Variants in SNX22 observed in about 807,000 individuals in gnomAD.
SNX22 encodes sorting nexin 22.
In SNX22, 23 loss-of-function variants were observed where a neutral mutation model predicts 24.7. The ratio of observed to expected loss-of-function variants is 0.93; its 90% confidence interval spans 0.67 to 1.32. SNX22 has a LOEUF of 1.32. SNX22 is among the 40% of genes most tolerant of loss of function. The probability of loss-of-function intolerance (pLI) is 0.00; values close to 1 mark genes in which losing one functional copy is unlikely to be tolerated. For missense variants in SNX22, 261 were observed against 249.9 expected (o/e 1.04, Z -0.30); for synonymous variants, 99 against 104.0 (o/e 0.95, Z 0.29).
Position 64,154,660 on chromosome 15 carries a change from G to A in SNX22, c.*152G>A. The A allele has an allele frequency of 1.0e-6, 1 of 989,478 alleles. No individual in the cohort carries two copies. Among genetic ancestry groups the A allele is most frequent in the Non-Finnish European group, 1.5e-6 (1 of 673,112 alleles). The allele number at this position is 989,478 out of a possible 1,614,324, so 61.3% of individuals were successfully genotyped here. On this transcript the variant is annotated 3_prime_UTR_variant, in exon 7 of 7. Transcript: ENST00000325881. ...CATTCCCACTCAAGGCTCAGAACTT[G>A]GCTCGCATTGGTAGCTGGAGGTGGT...
At position 64,156,158 on chromosome 15, in the gene SNX22, G is replaced by A; in HGVS notation, c.*1650G>A. 1 of 1,614,032 alleles carries A rather than the reference G, an allele frequency of 6.2e-7. No individual in the cohort carries two copies. Among genetic ancestry groups the A allele is most frequent in the Non-Finnish European group, 8.5e-7 (1 of 1,180,020 alleles). ...TCCGCACCACCTCCTGGAAAAGAAA[G>A]GTGGAAGCAGGAGGGCATGGTGGAT... On this transcript the variant is annotated 3_prime_UTR_variant, in exon 7 of 7. Coordinates refer to ENST00000325881, the MANE Select transcript of SNX22 (RefSeq NM_024798.3). This position sits in a 1 kb window ranked among gnomAD's most constrained non-coding sequence, Gnocchi z 6.4.
Position 64,156,753 on chromosome 15 carries a change from A to C in SNX22, c.*2245A>C. On this transcript the variant is annotated 3_prime_UTR_variant, in exon 7 of 7. Coordinates refer to ENST00000325881, the MANE Select transcript of SNX22 (RefSeq NM_024798.3). The surrounding 1 kb of genome is among the most constrained non-coding windows in gnomAD (Gnocchi z 6.4). Reference sequence around the variant, plus strand: ...GCCCTCTAGAACTTTGCCAAACACCACATGCTTGCCATCTAGCCAGGCTGT... The same window carrying C: ...GCCCTCTAGAACTTTGCCAAACACCCCATGCTTGCCATCTAGCCAGGCTGT... The C allele has an allele frequency of 6.2e-7, 1 of 1,614,150 alleles. No individual in the cohort carries two copies.
At position 64,153,977 on chromosome 15, in the gene SNX22, TCCCTATGTTTGCAAC is replaced by T; in HGVS notation, c.440_454del (p.Tyr147_Pro151del). The T allele has an allele frequency of 6.2e-7, 1 of 1,613,946 alleles. No individual in the cohort carries two copies. Among genetic ancestry groups the T allele is most frequent in the Non-Finnish European group, 8.5e-7 (1 of 1,179,978 alleles). The stretch of plus-strand genomic sequence containing the variant: ...GGCCTGTCCTGAGCTTCCATGTGGA[TCCCTATGTTTGCAAC>T]CCCTCCCCAGGTGAGGAGGTGCCTA... On this transcript the variant is annotated inframe_deletion, in exon 6 of 7. Coordinates refer to ENST00000325881, the MANE Select transcript of SNX22 (RefSeq NM_024798.3).
chr15:64,153,561 G>C, intron 4 of SNX22, 91 bp from the exon 5 acceptor site: 1 of 1,558,328 alleles, frequency 6.4e-7, no homozygotes, highest in Non-Finnish European at 8.9e-7. Context: ...TGGTCCCCTG[G>C]GAGGTGCAGT....
chr15:64,154,112 C>T (rs778908133), intron 6 of SNX22, 110 bp downstream of exon 6: 2 of 1,609,722 alleles, frequency 1.2e-6, no homozygotes, highest in East Asian at 2.2e-5. Flanking sequence ...CCTCTGGAGC[C>T]ACTACCTCCT....
intron 5 of SNX22, 65 bp downstream of exon 5, chr15:64,153,749 A>C: frequency 6.2e-7 from 1 of 1,610,532 alleles, no homozygotes; most frequent in Non-Finnish European, 8.5e-7. Context: ...GCTAGGAGGC[A>C]GGCCTGCTGC....
chr15:64,151,793 C>A lies in SNX22; in HGVS notation c.18C>A (p.Ile6=), dbSNP rs1201779870. 6.5e-7 allele frequency: 1 copy of A among 1,538,072 alleles called. No homozygotes were observed. The highest frequency in any genetic ancestry group is 8.7e-7 in the Non-Finnish European group (1 of 1,144,186). ...GGGCGCGGATGCTGGAAGTTCACAT[C>A]CCGTCGGTGGGGCCCGAGGCCGAGG... MLEVH[I]PSVGPEAEGP... The change falls in exon 1 of 7, where the codon ATC becomes ATA. Residue 6 remains isoleucine, a synonymous_variant. Transcript: ENST00000325881.
At chr15:64,151,912 T>A in intron 1 of SNX22, 62 bp downstream of exon 1, 1 of 1,442,478 alleles carries the variant, frequency 6.9e-7, no homozygotes, top group Non-Finnish European at 9.3e-7. Flanking sequence ...CGCGCTGCGC[T>A]CAGTGGGGAC....
At position 64,155,593 on chromosome 15, in the gene SNX22, G is replaced by T. The variant is rs62024248; in HGVS notation, c.*1085G>T. The T allele has an allele frequency of 0.038, 9,241 of 241,550 alleles. 788 individuals carry two copies. The highest frequency in any genetic ancestry group is 0.19 in the African/African-American group (8,117 of 43,820). 15.0% of individuals were successfully genotyped at this position (241,550 alleles called of 1,614,324 possible). On this transcript the variant is annotated 3_prime_UTR_variant, in exon 7 of 7. Coordinates refer to ENST00000325881, the MANE Select transcript of SNX22 (RefSeq NM_024798.3). ...TACATCCCTTAACATAGACTGGAGG[G>T]TGGTGGCAAGGGGAGCAAATGTGGA... is the stretch of plus-strand genomic sequence containing the variant.
intron 2 of SNX22, 131 bp from the exon 3 acceptor site, chr15:64,152,507 G>T (rs1357096734): frequency 8.2e-7 from 1 of 1,213,290 alleles, no homozygotes; most frequent in Non-Finnish European, 1.2e-6. Context: ...GCCCTCGGCC[G>T]GTCCACCACT....
intron 1 of SNX22, 46 bp from the exon 2 acceptor site, chr15:64,152,197 C>A (rs114028904): frequency 1.5e-6 from 2 of 1,365,652 alleles, no homozygotes; most frequent in South Asian, 1.7e-5. Context: ...GCGGCGTCCT[C>A]CCGCGGGGCC....
chr15:64,155,971 C>T lies in SNX22; in HGVS notation c.*1463C>T, dbSNP rs201075610. ...GCCAGTGCAGCTCAGAGCCCTGTGGCGGACTACAGGGCCTGCACAGACGGT... is the reference window on the plus strand; with the variant it reads ...GCCAGTGCAGCTCAGAGCCCTGTGGTGGACTACAGGGCCTGCACAGACGGT... On this transcript the variant is annotated 3_prime_UTR_variant, in exon 7 of 7. Transcript: ENST00000325881. 1.0e-4 allele frequency: 161 copies of T among 1,612,928 alleles called. No individual in the cohort carries two copies. In the Middle Eastern group the frequency reaches 1.3e-3, roughly 13 times the overall value.
At chr15:64,154,248 C>T in intron 6 of SNX22, 139 bp from the exon 7 acceptor site, 2 of 1,577,718 alleles carry the variant, frequency 1.3e-6, no homozygotes, top group Non-Finnish European at 1.7e-6. Context: ...CCTGGGAATG[C>T]GGAGGCTTCA....
Position 64,154,964 on chromosome 15 carries a change from T to G in SNX22, c.*456T>G, listed in dbSNP as rs1567344101. On this transcript the variant is annotated 3_prime_UTR_variant, in exon 7 of 7. Transcript: ENST00000325881. ...CTGAGGTAGGAGAATCTCTTTTTTT[T>G]TTTTTTTTTTTTTTTTGAGACGGAG... The G allele has an allele frequency of 6.8e-6, 1 of 146,164 alleles. No homozygotes were observed. The highest frequency in any genetic ancestry group is 1.5e-5 in the Non-Finnish European group (1 of 67,094). 9.1% of individuals were successfully genotyped at this position (146,164 alleles called of 1,614,324 possible).
chr15:64,155,986 G>A lies in SNX22; in HGVS notation c.*1478G>A, dbSNP rs2081526915. 3 of 1,613,844 alleles carry A rather than the reference G, an allele frequency of 1.9e-6. No individual in the cohort carries two copies. The highest frequency in any genetic ancestry group is 2.5e-6 in the Non-Finnish European group (3 of 1,179,912). On this transcript the variant is annotated 3_prime_UTR_variant, in exon 7 of 7. Transcript: ENST00000325881. The stretch of plus-strand genomic sequence containing the variant: ...AGCCCTGTGGCGGACTACAGGGCCT[G>A]CACAGACGGTCACTCAAAGAAAGAT...
Position 64,152,256 on chromosome 15 carries a change from A to C in SNX22, c.89A>C (p.Glu30Ala), listed in dbSNP as rs1427302293. The C allele has an allele frequency of 6.9e-7, 1 of 1,439,240 alleles. No homozygotes were observed. Among genetic ancestry groups the C allele is most frequent in the South Asian group, 1.4e-5 (1 of 70,356 alleles). The allele number at this position is 1,439,240 out of a possible 1,614,324, so 89.2% of individuals were successfully genotyped here. The change falls in exon 2 of 7, where the codon GAG (glutamate) becomes GCG (alanine). Residue 30 changes from glutamate to alanine, a missense_variant. By Grantham distance (107) the Glu-to-Ala change is moderately radical. Coordinates refer to ENST00000325881, the MANE Select transcript of SNX22 (RefSeq NM_024798.3). Reference protein sequence around the residue: ...PEKSHMVFRVEVLCSGRRHTV... With the variant: ...PEKSHMVFRVAVLCSGRRHTV... ...CCGCGCCGCCAGGTGTTCCGAGTGG[A>C]GGTGCTGTGCAGCGGGCGCAGACAC...
At position 64,152,293 on chromosome 15, in the gene SNX22, G is replaced by A. The variant is rs1407826193; in HGVS notation, c.126G>A (p.Arg42=). 1 of 1,510,424 alleles carries A rather than the reference G, an allele frequency of 6.6e-7. No individual in the cohort carries two copies. Among genetic ancestry groups the A allele is most frequent in the African/African-American group, 1.4e-5 (1 of 70,148 alleles). 93.6% of individuals were successfully genotyped at this position (1,510,424 alleles called of 1,614,324 possible). ...LCSGRRHTVP[R]RYSEFHALHK... The stretch of plus-strand genomic sequence containing the variant: ...GCGGGCGCAGACACACGGTGCCAAG[G>A]CGCTACAGCGAGTTCCACGCGCTGC... Residue 42 remains arginine, a synonymous_variant, in exon 2 of 7, where the codon AGG becomes AGA. Coordinates refer to ENST00000325881, the MANE Select transcript of SNX22 (RefSeq NM_024798.3).
chr15:64,154,347 T>G (rs2081510716), intron 6 of SNX22, 40 bp from the exon 7 acceptor site: 8 of 1,611,140 alleles, frequency 5.0e-6, no homozygotes, highest in African/African-American at 4.0e-5. Context: ...CTCAAGGAGC[T>G]GCAGGTCTGA....
intron 1 of SNX22, 95 bp from the exon 2 acceptor site, chr15:64,152,148 G>A: frequency 8.3e-7 from 1 of 1,207,182 alleles, no homozygotes; most frequent in Non-Finnish European, 1.1e-6. Flanking sequence ...TTGTGCCTTT[G>A]AGAGCGGGAG....
Sources: allele counts gnomAD v4.1 joint callset, GRCh38; gene constraint gnomAD v4.1.1; non-coding constraint Gnocchi (gnomAD v3.1); transcripts MANE v1.5; gene names NCBI Gene and HGNC (gene_info 2026-07-23, HGNC 2026-07-21).